IGBP1: variants seen among roughly 807,000 people sequenced by gnomAD.
The protein encoded by IGBP1 is immunoglobulin-binding protein 1.
In IGBP1, 2 loss-of-function variants were observed where a neutral mutation model predicts 25.9. The observed-to-expected ratio is 0.08, with a 90% CI of 0.03 to 0.24. The LOEUF (loss-of-function observed/expected upper bound fraction) is 0.24. Among genes scored for constraint, IGBP1 ranks in the 10% least tolerant of loss-of-function variants. IGBP1 has a pLI of 1.00. For missense variants in IGBP1, 187 were observed against 260.4 expected (o/e 0.72, Z 1.94); for synonymous variants, 96 against 93.4 (o/e 1.03, Z -0.16).
intron 3 of IGBP1, among the ~76,000 whole-genome samples, chrX:70,143,447 C>T (rs61545431): frequency 0.02 from 2,277 of 112,290 alleles, 58 homozygotes; most frequent in African/African-American, 0.071. Flanking sequence ...GATGGCTGAG[C>T]AAGGGTGACC....
At position 70,134,656 on chromosome X, in the gene IGBP1, C is replaced by T. The variant is rs2085084266; in HGVS notation, c.322C>T (p.His108Tyr). 1.7e-6 allele frequency: 2 copies of T among 1,212,061 alleles called. No individual in the cohort carries two copies. Among genetic ancestry groups the T allele is most frequent in the East Asian group, 5.9e-5 (2 of 33,851 alleles). The change falls in exon 3 of 7, where the codon CAC becomes TAC. Residue 108 changes from histidine to tyrosine, a missense_variant. By Grantham distance (83) the His-to-Tyr change is moderately conservative. Transcript: ENST00000356413. The part of the protein sequence containing the change: ...RLDHLQRARE[H>Y]FINYLTQCHC... ...AGATCATTTGCAGCGGGCTCGAGAA[C>T]ACTTTATAAACTACTTAACTCAGTG...
intron 5 of IGBP1, 106 bp from the exon 6 acceptor site, chrX:70,150,104 C>T (rs1462029124): frequency 1.5e-5 from 8 of 532,303 alleles, no homozygotes; most frequent in Middle Eastern, 5.0e-4. Flanking sequence ...AAGGCTGAAA[C>T]GGACACAGAC....
At chrX:70,162,586 G>A (rs747652990) in intron 6 of IGBP1, among the ~76,000 whole-genome samples, 2 of 112,623 alleles carry the variant, frequency 1.8e-5, no homozygotes, top group East Asian at 5.5e-4. Flanking sequence ...AAGAAACTGG[G>A]TGTGGTTATG....
chrX:70,137,376 G>A (rs762849180), intron 3 of IGBP1, among the ~76,000 whole-genome samples: 1 of 111,528 alleles, frequency 9.0e-6, no homozygotes, highest in African/African-American at 3.3e-5. Context: ...TAGGAGATAA[G>A]TAGAGGTGTC....
Position 70,133,985 on chromosome X carries a change from C to T in IGBP1, c.38C>T (p.Pro13Leu), listed in dbSNP as rs1169222104. The T allele has an allele frequency of 1.8e-5, 22 of 1,210,109 alleles. No individual in the cohort carries two copies. The highest frequency in any genetic ancestry group is 2.2e-5 in the Non-Finnish European group (20 of 895,053). The change falls in exon 2 of 7, where the codon CCC becomes CTC. Residue 13 changes from proline (P) to leucine (L), a missense_variant. Coordinates refer to ENST00000356413, the MANE Select transcript of IGBP1 (RefSeq NM_001551.3). ...AEDELQLPRL[P>L]ELFETGRQLL... is the part of the protein sequence containing the mutation. ...GACGAGTTACAGCTGCCGCGGCTCC[C>T]CGAGCTGTTCGAAACTGGTAGACAG...
chrX:70,145,936 A>G lies in IGBP1; in HGVS notation c.483-697A>G, dbSNP rs1458483061. On this transcript the variant is annotated intron_variant, in intron 3 of 6. Transcript: ENST00000356413. ...GCACTTATCACGACCTAACTCATCT[A>G]TTTCTTTTTGTCTACTCCCACTGGA... Among the ~76,000 whole-genome samples, 5 of 111,545 alleles carry G rather than the reference A, an allele frequency of 4.5e-5. No homozygotes were observed. The Admixed American group carries it at 4.8e-4, about 11-fold the overall frequency.
chrX:70,136,384 A>G (rs1214521368), intron 3 of IGBP1, among the ~76,000 whole-genome samples: 2 of 111,951 alleles, frequency 1.8e-5, no homozygotes, highest in African/African-American at 6.5e-5. Flanking sequence ...GTAGGCTAAT[A>G]TAAGTGTTCT....
At chrX:70,142,916 G>GTGTT (rs2147572973) in intron 3 of IGBP1, among the ~76,000 whole-genome samples, 1 of 49,045 alleles carries the variant, frequency 2.0e-5, no homozygotes. Context: ...TTATCGAGTT[G>GTGTT]TTTTTTTTTT....
At chrX:70,156,708 G>A (rs1439740300) in intron 6 of IGBP1, among the ~76,000 whole-genome samples, 2 of 112,094 alleles carry the variant, frequency 1.8e-5, no homozygotes, top group Non-Finnish European at 3.8e-5. Flanking sequence ...GGGAGGCCGA[G>A]GCGGGTGGAT....
chrX:70,141,758 G>T (rs768080113), intron 3 of IGBP1, among the ~76,000 whole-genome samples: 1 of 111,438 alleles, frequency 9.0e-6, no homozygotes, highest in Non-Finnish European at 1.9e-5. Flanking sequence ...CCACTTAATA[G>T]ATGTGGCATC....
At chrX:70,147,226 G>A (rs1361969599) in intron 4 of IGBP1, among the ~76,000 whole-genome samples, 1 of 111,223 alleles carries the variant, frequency 9.0e-6, no homozygotes, top group Non-Finnish European at 1.9e-5. Context: ...TTGAGGCCCG[G>A]AGTTTGAGAC....
intron 3 of IGBP1, among the ~76,000 whole-genome samples, chrX:70,141,550 T>C (rs2085130208): frequency 9.0e-6 from 1 of 111,687 alleles, no homozygotes; most frequent in Admixed American, 9.5e-5. Flanking sequence ...CCTTGACTGA[T>C]TGTATCTCAG....
intron 6 of IGBP1, among the ~76,000 whole-genome samples, chrX:70,159,076 A>G (rs2085257099): frequency 8.9e-6 from 1 of 112,140 alleles, no homozygotes; most frequent in African/African-American, 3.2e-5. Flanking sequence ...AGAAAATAAC[A>G]TAGGACATGG....
At chrX:70,154,511 A>G (rs983635007) in intron 6 of IGBP1, among the ~76,000 whole-genome samples, 32 of 107,664 alleles carry the variant, frequency 3.0e-4, no homozygotes, top group Non-Finnish European at 4.8e-4. Flanking sequence ...CTTGCAAAAG[A>G]CTTATCTGAT....
chrX:70,135,745 CAA>C (rs2085091297), intron 3 of IGBP1, among the ~76,000 whole-genome samples: 1 of 111,151 alleles, frequency 9.0e-6, no homozygotes, highest in Admixed American at 9.6e-5. Flanking sequence ...TGGTAGAACA[CAA>C]AGAGGGTGGT....
At position 70,133,975 on chromosome X, in the gene IGBP1, C is replaced by T. The variant is rs1026554198; in HGVS notation, c.28C>T (p.Pro10Ser). 2.5e-6 allele frequency: 3 copies of T among 1,211,219 alleles called. No homozygotes were observed. Among genetic ancestry groups the T allele is most frequent in the East Asian group, 3.0e-5 (1 of 33,829 alleles). Residue 10 changes from proline (P) to serine (S), a missense_variant, in exon 2 of 7, where the codon CCG becomes TCG. By Grantham distance (74) the Pro-to-Ser change is moderately conservative. Coordinates refer to ENST00000356413, the MANE Select transcript of IGBP1 (RefSeq NM_001551.3). Reference protein sequence around the residue: MAAEDELQLPRLPELFETGR... With the variant: MAAEDELQLSRLPELFETGR... ...GGCTGCTGAGGACGAGTTACAGCTG[C>T]CGCGGCTCCCCGAGCTGTTCGAAAC...
rs762954223 is a variant in IGBP1 at position 70,154,714 on chromosome X, C to CAAAAA, written c.871+4410_871+4414dup. The stretch of plus-strand genomic sequence containing the variant: ...AGCAACATGGTAAGACCCCTCTCCA[C>CAAAAA]AAAAAAAAAAAAAAAAAAAAAAGTT... On this transcript the variant is annotated intron_variant, in intron 6 of 6. Transcript: ENST00000356413. Among the ~76,000 whole-genome samples the CAAAAA allele has an allele frequency of 1.1e-3, 29 of 27,095 alleles. 1 individual carries two copies. Among genetic ancestry groups the CAAAAA allele is most frequent in the Admixed American group, 3.6e-3 (5 of 1,382 alleles). 23.5% of individuals were successfully genotyped at this position (27,095 alleles called of 115,157 possible).
chrX:70,151,877 CAAAT>C (rs779289741), intron 6 of IGBP1, among the ~76,000 whole-genome samples: 59 of 110,979 alleles, frequency 5.3e-4, no homozygotes, highest in African/African-American at 1.7e-3. Context: ...GACCCTGTCT[CAAAT>C]AAATAAATAA....
chrX:70,154,957 C>T (rs2085230505), intron 6 of IGBP1, among the ~76,000 whole-genome samples: 1 of 109,209 alleles, frequency 9.2e-6, no homozygotes, highest in Non-Finnish European at 1.9e-5. Context: ...GATAACCTCA[C>T]CAAAGAAAGT....
Sources: allele counts gnomAD v4.1 joint callset (sites outside exome capture counted in the v4.1 genomes callset), GRCh38; gene constraint gnomAD v4.1.1; transcripts MANE v1.5; gene names NCBI Gene and HGNC (gene_info 2026-07-23, HGNC 2026-07-21).